Variants in ZEB1 observed in about 807,000 individuals in gnomAD.
The protein encoded by ZEB1 is zinc finger E-box-binding homeobox 1.
A neutral mutation model predicts 84.9 loss-of-function variants in ZEB1; 21 were observed. The ratio of observed to expected loss-of-function variants is 0.25; its 90% CI spans 0.18 to 0.36. The LOEUF is 0.36. Among genes scored for constraint, ZEB1 ranks in the 10% least tolerant of loss-of-function variants. The pLI, the probability that ZEB1 is intolerant of heterozygous loss-of-function variation, is 1.00. For synonymous variants in ZEB1, 420 were observed against 471.1 expected, an observed-to-expected ratio of 0.89 and a Z score of 1.41; for missense variants, 1,104 against 1,330.2, an observed-to-expected ratio of 0.83 and a Z score of 2.65.
chr10:31,501,058 G>A (rs1287920329), intron 3 of ZEB1, among the ~76,000 whole-genome samples: 1 of 152,226 alleles, frequency 6.6e-6, no homozygotes, highest in East Asian at 1.9e-4. Context: ...TGCAGGAGAT[G>A]TAGCAAGATT....
intron 2 of ZEB1, among the ~76,000 whole-genome samples, chr10:31,466,266 G>A (rs994042837): frequency 1.2e-4 from 19 of 152,120 alleles, no homozygotes; most frequent in Admixed American, 6.5e-5. Context: ...TAGACAAAAT[G>A]GACCTGATAT....
In ZEB1 at chr10:31,508,754, C is replaced by A. The variant is rs573104918; in HGVS notation, c.485-1919C>A. ...AAGGACATCAGTGGTTGCACTGTGG[C>A]CTTCTTACTGGGGAGGGCAAGGTTG... On this transcript the variant is annotated intron_variant, in intron 4 of 8. Coordinates refer to ENST00000424869, the MANE Select transcript of ZEB1 (RefSeq NM_001174096.2). 7.9e-5 allele frequency among the ~76,000 whole-genome samples: 12 copies of A among 152,034 alleles called. No individual in the cohort carries two copies. In the South Asian group the frequency reaches 1.0e-3, roughly 13 times the overall value.
chr10:31,523,912 C>A, intron 7 of ZEB1, 21 bp from the exon 8 acceptor site: 1 of 1,611,920 alleles, frequency 6.2e-7, no homozygotes, highest in Non-Finnish European at 8.5e-7. Flanking sequence ...ATTACATTTT[C>A]TCACACCTTT....
intron 1 of ZEB1, among the ~76,000 whole-genome samples, chr10:31,406,876 G>A (rs1403102822): frequency 6.6e-6 from 1 of 152,038 alleles, no homozygotes; most frequent in African/African-American, 2.4e-5. Context: ...TGTATGAGGT[G>A]TAAGGAAGGG....
chr10:31,433,448 T>G (rs1249699783), intron 1 of ZEB1, among the ~76,000 whole-genome samples: 1 of 152,246 alleles, frequency 6.6e-6, no homozygotes, highest in Non-Finnish European at 1.5e-5. Context: ...ATTTGGCTTA[T>G]TTTTGAGAAA....
At chr10:31,508,260 C>A (rs1162898365) in intron 4 of ZEB1, among the ~76,000 whole-genome samples, 1 of 152,090 alleles carries the variant, frequency 6.6e-6, no homozygotes, top group Non-Finnish European at 1.5e-5. Flanking sequence ...TGGGCTGATC[C>A]TTGGAACTCC....
chr10:31,393,568 C>A (rs1165861666), intron 1 of ZEB1, among the ~76,000 whole-genome samples: 2 of 152,002 alleles, frequency 1.3e-5, no homozygotes, highest in Non-Finnish European at 2.9e-5. Context: ...TGTGACTTCT[C>A]ATTAAAAGAA....
At chr10:31,334,216 C>G (rs142224973) in intron 1 of ZEB1, among the ~76,000 whole-genome samples, 1 of 152,008 alleles carries the variant, frequency 6.6e-6, no homozygotes, top group Non-Finnish European at 1.5e-5. Flanking sequence ...TATTCCACAA[C>G]TAAAGTAGAG....
chr10:31,414,842 G>A (rs1424609095), intron 1 of ZEB1, among the ~76,000 whole-genome samples: 3 of 152,056 alleles, frequency 2.0e-5, no homozygotes, highest in East Asian at 1.9e-4. Context: ...GTTATAAATA[G>A]CATTATAAAC....
At chr10:31,424,680 G>C (rs1260680953) in intron 1 of ZEB1, among the ~76,000 whole-genome samples, 1 of 151,948 alleles carries the variant, frequency 6.6e-6, no homozygotes, top group African/African-American at 2.4e-5. Flanking sequence ...GAACTTGACA[G>C]CTCATAGTTT....
rs116110107 is a variant in ZEB1 at position 31,462,002 on chromosome 10, G to A, written c.259+765G>A. Among the ~76,000 whole-genome samples the A allele has an allele frequency of 7.9e-3, 1,202 of 152,230 alleles. 13 individuals are homozygous for A. The highest frequency in any genetic ancestry group is 0.026 in the African/African-American group (1,081 of 41,522). On this transcript the variant is annotated intron_variant, in intron 2 of 8. Transcript: ENST00000424869. ...GAGAGGTTGGGGATCAGGAACAAGG[G>A]CATCAGAAAAGGTAAACAAGTACAC...
intron 2 of ZEB1, among the ~76,000 whole-genome samples, chr10:31,484,192 G>A (rs1005951304): frequency 2.0e-5 from 3 of 151,844 alleles, no homozygotes; most frequent in South Asian, 4.1e-4. Flanking sequence ...CCCACCTTGA[G>A]GTCCATAATT....
chr10:31,437,235 G>A (rs1159097918), intron 1 of ZEB1, among the ~76,000 whole-genome samples: 1 of 152,004 alleles, frequency 6.6e-6, no homozygotes, highest in East Asian at 1.9e-4. Context: ...TATGTACTAT[G>A]ACATTTCTCT....
At chr10:31,349,503 TC>T (rs2040931245) in intron 1 of ZEB1, among the ~76,000 whole-genome samples, 1 of 152,142 alleles carries the variant, frequency 6.6e-6, no homozygotes, top group East Asian at 1.9e-4. Flanking sequence ...CATACTGTTT[TC>T]CATAGTGGCT....
At chr10:31,466,647 T>G (rs1293289337) in intron 2 of ZEB1, among the ~76,000 whole-genome samples, 1 of 152,028 alleles carries the variant, frequency 6.6e-6, no homozygotes, top group Non-Finnish European at 1.5e-5. Context: ...AATGCCTACA[T>G]TAAGAATAAG....
In ZEB1 at chr10:31,362,994, C is replaced by T. The variant is rs117193148; in HGVS notation, c.58+43702C>T. On this transcript the variant is annotated intron_variant, in intron 1 of 8. Coordinates refer to ENST00000424869, the MANE Select transcript of ZEB1 (RefSeq NM_001174096.2). The stretch of plus-strand genomic sequence containing the variant: ...CAGGAGATAGACATGGAAGCTTTGC[C>T]GGTGGGGGCCGCTCGTCTCTATCAC... 3,172 of 1,533,974 alleles carry T rather than the reference C, an allele frequency of 2.1e-3. 65 individuals carry two copies. The East Asian group carries it at 0.045, about 22-fold the overall frequency.
intron 1 of ZEB1, among the ~76,000 whole-genome samples, chr10:31,455,753 AAAC>A (rs1433461653): frequency 6.6e-6 from 1 of 152,174 alleles, no homozygotes; most frequent in Non-Finnish European, 1.5e-5. Flanking sequence ...AAAAGTCAGG[AAAC>A]AACAGGTGCT....
chr10:31,430,792 G>C (rs191663510), intron 1 of ZEB1, among the ~76,000 whole-genome samples: 2 of 152,264 alleles, frequency 1.3e-5, no homozygotes, highest in East Asian at 3.9e-4. Flanking sequence ...AAATTGTTTA[G>C]AATGAACTTA....
intron 2 of ZEB1, among the ~76,000 whole-genome samples, chr10:31,488,433 T>G (rs2066031147): frequency 6.6e-6 from 1 of 151,214 alleles, no homozygotes; most frequent in African/African-American, 2.4e-5. Flanking sequence ...TAGTAGCAAT[T>G]TGTGGCTTCT....
Sources: gnomAD v4.1 joint callset for allele counts (sites outside exome capture counted in the v4.1 genomes callset) on GRCh38, gnomAD v4.1.1 for gene constraint, MANE v1.5 for transcripts, NCBI Gene and HGNC (gene_info 2026-07-23, HGNC 2026-07-21) for gene names.